Variants in MDM4 observed in about 807,000 individuals in gnomAD.
MDM4 encodes the protein protein Mdm4.
MDM4 carries 2 observed loss-of-function variants against 60.2 expected under a neutral mutation model. That is an observed-to-expected ratio of 0.03 (90% CI 0.01 to 0.10). The LOEUF is 0.10. Among genes scored for constraint, MDM4 ranks in the 10% least tolerant of loss-of-function variants. MDM4 has a pLI of 1.00. For synonymous variants in MDM4, 202 were observed against 198.1 expected, an observed-to-expected ratio of 1.02 and a Z score of -0.17; for missense variants, 447 against 577.5, an observed-to-expected ratio of 0.77 and a Z score of 2.32.
chr1:204,524,778 A>G (rs1349759859), intron 1 of MDM4, among the ~76,000 whole-genome samples: 1 of 152,204 alleles, frequency 6.6e-6, no homozygotes, highest in African/African-American at 2.4e-5. Context: ...GTGTCTCAAA[A>G]TAAATAAATA....
chr1:204,541,627 A>G (rs147743011), intron 7 of MDM4, among the ~76,000 whole-genome samples: 1 of 152,348 alleles, frequency 6.6e-6, no homozygotes. Context: ...ATTTGTGGAA[A>G]GAATGACCTA....
intron 1 of MDM4, among the ~76,000 whole-genome samples, chr1:204,522,122 A>T (rs1659629499): frequency 6.6e-6 from 1 of 152,014 alleles, no homozygotes; most frequent in Non-Finnish European, 1.5e-5. Context: ...ACTTGAGCCC[A>T]GGAGTTTGAG....
At chr1:204,526,237 C>G (rs1173079502) in intron 2 of MDM4, 123 bp from the exon 3 acceptor site, 1 of 743,588 alleles carries the variant, frequency 1.3e-6, no homozygotes, top group Non-Finnish European at 2.3e-6. Context: ...GCCAAGGCGA[C>G]AGAGCAAGAC....
Position 204,525,575 on chromosome 1 carries a change from C to G in MDM4, c.57C>G (p.Ile19Met), listed in dbSNP as rs148900701. 219 of 1,601,168 alleles carry G rather than the reference C, an allele frequency of 1.4e-4. No homozygotes were observed. The highest frequency in any genetic ancestry group is 1.7e-4 in the Non-Finnish European group (198 of 1,173,076). The part of the protein sequence containing the change: ...QCSTSDSACR[I>M]SPGQINQVRP... ...CAACATCTGACAGTGCTTGCAGGAT[C>G]TCTCCTGGACAAATCAATCAGGTAA... is the stretch of plus-strand genomic sequence containing the variant. Residue 19 changes from isoleucine (I) to methionine (M), a missense_variant, in exon 2 of 11, where the codon ATC (isoleucine) becomes ATG (methionine). Transcript: ENST00000367182.
rs765786119 is a variant in MDM4 at position 204,525,609 on chromosome 1, C to G, written c.78+13C>G. The G allele has an allele frequency of 6.7e-7, 1 of 1,497,434 alleles. No individual in the cohort carries two copies. The highest frequency in any genetic ancestry group is 9.1e-7 in the Non-Finnish European group (1 of 1,097,030). The allele number at this position is 1,497,434 out of a possible 1,614,324, so 92.8% of individuals were successfully genotyped here. ...ACAAATCAATCAGGTAAATCATTTT[C>G]GGTATTTCTAGTTTTTTGGTTTTTT... On this transcript the variant is annotated intron_variant, in intron 2 of 10. Transcript: ENST00000367182.
rs1358525449 is a variant in MDM4 at position 204,542,792 on chromosome 1, T to C, written c.520T>C (p.Leu174=). The change falls in exon 8 of 11, where the codon TTA becomes CTA. Residue 174 remains leucine (L), a synonymous_variant. Transcript: ENST00000367182. The part of the protein sequence containing the change: ...KCIHSREDED[L]IENLAQDETS... ...TCATTTGACTTCTATAGATGAAGACTTAATTGAAAATTTAGCCCAAGATGA... is the reference window on the plus strand; with the variant it reads ...TCATTTGACTTCTATAGATGAAGACCTAATTGAAAATTTAGCCCAAGATGA... 2 of 1,611,206 alleles carry C rather than the reference T, an allele frequency of 1.2e-6. No individual in the cohort carries two copies. The highest frequency in any genetic ancestry group is 1.7e-6 in the Non-Finnish European group (2 of 1,178,654).
intron 1 of MDM4, among the ~76,000 whole-genome samples, chr1:204,523,178 A>AT (rs1236265511): frequency 1.1e-4 from 16 of 148,040 alleles, no homozygotes; most frequent in Admixed American, 9.4e-4. Context: ...TCTTAAAAAA[A>AT]TTTTTTTTTG....
intron 1 of MDM4, among the ~76,000 whole-genome samples, chr1:204,517,578 T>G (rs560051649): frequency 5.7e-4 from 86 of 152,006 alleles, no homozygotes; most frequent in African/African-American, 2.0e-3. Context: ...TAATTTTGTG[T>G]TTTATTAGAG....
intron 7 of MDM4, among the ~76,000 whole-genome samples, chr1:204,541,429 A>C (rs927348272): frequency 5.3e-5 from 8 of 152,070 alleles, no homozygotes; most frequent in African/African-American, 1.9e-4. Flanking sequence ...GTTGCAGTGA[A>C]TCAATATCAT....
rs1285986120 is a variant in MDM4, at chr1:204,544,977, A to T, written c.822+293A>T. On this transcript the variant is annotated intron_variant, in intron 9 of 10. Coordinates refer to ENST00000367182, the MANE Select transcript of MDM4 (RefSeq NM_002393.5). ...GTAAGGTGCTAATCAAGCTTGTCCA[A>T]CCCACAGCCTGTGGACCACATGCGG... is the stretch of plus-strand genomic sequence containing the variant. Among the ~76,000 whole-genome samples the T allele has an allele frequency of 1.3e-5, 2 of 152,200 alleles. 1 individual carries two copies. The highest frequency in any genetic ancestry group is 4.8e-5 in the African/African-American group (2 of 41,452).
Position 204,546,790 on chromosome 1 carries a change from T to C in MDM4, c.823-7T>C. ...ACATTACTAATGAGATGTTTTTGCC[T>C]TCACAGGTGATTGAAGTGGGAAAAA... On this transcript the variant is annotated splice_polypyrimidine_tract_variant and splice_region_variant and intron_variant, in intron 9 of 10. Transcript: ENST00000367182. 1 of 1,605,998 alleles carries C rather than the reference T, an allele frequency of 6.2e-7. No individual in the cohort carries two copies. Among genetic ancestry groups the C allele is most frequent in the East Asian group, 2.2e-5 (1 of 44,812 alleles).
intron 2 of MDM4, among the ~76,000 whole-genome samples, 168 bp from the exon 3 acceptor site, chr1:204,526,192 G>C (rs1489636052): frequency 6.6e-6 from 1 of 152,134 alleles, no homozygotes; most frequent in Admixed American, 6.5e-5. Flanking sequence ...GGAGGTTGAG[G>C]CTGCAGTGAC....
chr1:204,535,157 CTT>C (rs869147485), intron 5 of MDM4, among the ~76,000 whole-genome samples: 13 of 130,088 alleles, frequency 1.0e-4, no homozygotes, highest in Admixed American at 1.5e-4. Context: ...AATGGTAGTT[CTT>C]TTTTTTTTTT....
chr1:204,550,754 G>A lies in MDM4; in HGVS notation c.*1072G>A, dbSNP rs143287383. 7.3e-3 allele frequency: 1,253 copies of A among 171,968 alleles called. 10 individuals carry two copies. Among genetic ancestry groups the A allele is most frequent in the Middle Eastern group, 0.014 (6 of 438 alleles). The allele number at this position is 171,968 out of a possible 1,614,324, so 10.7% of individuals were successfully genotyped here. ...TCGTTATGTTGCCCAGGCTGGTCTC[G>A]AACTCCTGGGTTTAAGTGATTCCCC... On this transcript the variant is annotated 3_prime_UTR_variant, in exon 11 of 11. Transcript: ENST00000367182.
chr1:204,543,443 A>G (rs1662336445), intron 8 of MDM4, among the ~76,000 whole-genome samples: 1 of 152,202 alleles, frequency 6.6e-6, no homozygotes, highest in South Asian at 2.1e-4. Context: ...TTCTTTGTTC[A>G]CTACATGCGT....
At position 204,549,477 on chromosome 1, in the gene MDM4, A is replaced by T; in HGVS notation, c.1268A>T (p.Asp423Val). The T allele has an allele frequency of 1.2e-6, 2 of 1,610,996 alleles. No individual in the cohort carries two copies. The highest frequency in any genetic ancestry group is 1.7e-6 in the Non-Finnish European group (2 of 1,179,076). The change falls in exon 11 of 11, where the codon GAT (aspartate) becomes GTT (valine). Residue 423 changes from aspartate to valine, a missense_variant. Physicochemically the swap from Asp to Val is radical, Grantham distance 152. Coordinates refer to ENST00000367182, the MANE Select transcript of MDM4 (RefSeq NM_002393.5). ...QLDNLSEQRTDTENMEDCQNL... is the reference protein window; with the variant it reads ...QLDNLSEQRTVTENMEDCQNL... Reference sequence around the variant, plus strand: ...GATAACCTTTCTGAACAGAGAACAGATACAGAAAACATGGAGGATTGCCAG... The same window carrying T: ...GATAACCTTTCTGAACAGAGAACAGTTACAGAAAACATGGAGGATTGCCAG...
intron 4 of MDM4, among the ~76,000 whole-genome samples, 191 bp from the exon 5 acceptor site, chr1:204,532,000 G>C (rs1660906987): frequency 6.6e-6 from 1 of 152,122 alleles, no homozygotes. Context: ...AGTAACACAG[G>C]GGCCTGGGCA....
chr1:204,526,060 G>T (rs1425531408), intron 2 of MDM4, among the ~76,000 whole-genome samples: 1 of 152,144 alleles, frequency 6.6e-6, no homozygotes, highest in Non-Finnish European at 1.5e-5. Flanking sequence ...TTTGAGAACA[G>T]CCAGGGAAAC....
At chr1:204,523,995 GA>G (rs1217573535) in intron 1 of MDM4, among the ~76,000 whole-genome samples, 2 of 152,092 alleles carry the variant, frequency 1.3e-5, no homozygotes, top group Non-Finnish European at 2.9e-5. Flanking sequence ...AGTATGGCGG[GA>G]AGAACAGTTA....
Sources: gnomAD v4.1 joint callset for allele counts (sites outside exome capture counted in the v4.1 genomes callset) on GRCh38, gnomAD v4.1.1 for gene constraint, MANE v1.5 for transcripts, NCBI Gene and HGNC (gene_info 2026-07-23, HGNC 2026-07-21) for gene names.